The following ZNF638 variants were observed in gnomAD, a reference collection of about 807,000 sequenced individuals.
ZNF638 encodes the protein CTCL tumor antigen se33-1.
A neutral mutation model predicts 195.6 loss-of-function variants in ZNF638; 46 were observed. The observed-to-expected ratio is 0.24, with a 90% confidence interval of 0.19 to 0.30. The LOEUF (loss-of-function observed/expected upper bound fraction) is 0.30. ZNF638 is among the 10% of genes least tolerant of loss of function. The pLI is 1.00. For missense variants in ZNF638, 2,440 were observed against 2,325.3 expected (o/e 1.05, Z -1.01); for synonymous variants, 845 against 772.0 (o/e 1.09, Z -1.57).
intron 17 of ZNF638, among the ~76,000 whole-genome samples, chr2:71,404,726 C>G (rs573655239): frequency 6.6e-6 from 1 of 152,260 alleles, no homozygotes; most frequent in East Asian, 1.9e-4. Context: ...CTAAAACAAA[C>G]AGACCTCCTC....
rs76020472 is a variant in ZNF638, at chr2:71,339,168, T to G, written c.-203+7293T>G. 6.0e-3 allele frequency among the ~76,000 whole-genome samples: 751 copies of G among 124,582 alleles called. 5 individuals carry two copies. The highest frequency in any genetic ancestry group is 0.019 in the African/African-American group (702 of 37,350). The allele number at this position is 124,582 out of a possible 152,430, so 81.7% of individuals were successfully genotyped here. A position where few individuals can be genotyped will look rare whatever the true frequency, so the allele number is the denominator to read the frequency against. On this transcript the variant is annotated intron_variant, in intron 1 of 27. Transcript: ENST00000264447. ...GGTTTAGGTTTTTTTTTTTTTTTTT[T>G]ATTGAGACGGAGTCTCACTTGCACC...
intron 15 of ZNF638, 41 bp from the exon 16 acceptor site, chr2:71,401,915 A>G (rs2080014855): frequency 6.7e-7 from 1 of 1,500,360 alleles, no homozygotes; most frequent in African/African-American, 1.4e-5. Flanking sequence ...AATATGAAAC[A>G]AAGAAATTTT....
chr2:71,424,095 T>C, intron 22 of ZNF638, 57 bp downstream of exon 22: 1 of 1,552,552 alleles, frequency 6.4e-7, no homozygotes, highest in Admixed American at 1.9e-5. Context: ...GCTCCGCTGC[T>C]GTAGCTATGT....
chr2:71,399,787 T>C lies in ZNF638; in HGVS notation c.2587+142T>C, dbSNP rs775061458. 270 of 694,034 alleles carry C rather than the reference T, an allele frequency of 3.9e-4. 1 individual carries two copies. The highest frequency in any genetic ancestry group is 6.2e-4 in the Non-Finnish European group (254 of 412,396). 43.0% of individuals were successfully genotyped at this position (694,034 alleles called of 1,614,324 possible). A position where few individuals can be genotyped will look rare whatever the true frequency, so the allele number is the denominator to read the frequency against. ...TGTACAGGTTATTTCATCACCCAGA[T>C]ATTAAGCCTAGGACCCATTAGTTAT... On this transcript the variant is annotated intron_variant, in intron 13 of 27. Transcript: ENST00000264447.
intron 21 of ZNF638, among the ~76,000 whole-genome samples, chr2:71,420,112 G>C (rs12999085): frequency 1.3e-5 from 2 of 150,050 alleles, no homozygotes; most frequent in Non-Finnish European, 3.0e-5. Flanking sequence ...TTTTTTTTTA[G>C]AGACAGGGTC....
intron 8 of ZNF638, chr2:71,375,133 A>G (rs947789803): frequency 2.0e-5 from 3 of 152,164 alleles, no homozygotes; most frequent in Non-Finnish European, 4.4e-5. Flanking sequence ...CTATCATCCT[A>G]GTTTATACCT....
chr2:71,391,084 A>G (rs190168248), intron 10 of ZNF638, among the ~76,000 whole-genome samples: 1 of 152,172 alleles, frequency 6.6e-6, no homozygotes, highest in African/African-American at 2.4e-5. Context: ...TCAGCAATTA[A>G]AAGCCAGCCA....
At position 71,418,420 on chromosome 2, in the gene ZNF638, G is replaced by A. The variant is rs560412597; in HGVS notation, c.3262-182G>A. ...TTATTGTGTGTGACCTAATTTGGAG[G>A]TCTTTAATTAGAAAAAAATTCTAGA... is the stretch of plus-strand genomic sequence containing the variant. On this transcript the variant is annotated intron_variant, in intron 20 of 27. Coordinates refer to ENST00000264447, the MANE Select transcript of ZNF638 (RefSeq NM_014497.5). The A allele has an allele frequency of 7.8e-4, 311 of 396,430 alleles. 2 individuals are homozygous for A. The highest frequency in any genetic ancestry group is 1.5e-3 in the Admixed American group (33 of 22,514). 24.6% of individuals were successfully genotyped at this position (396,430 alleles called of 1,614,324 possible). A position where few individuals can be genotyped will look rare whatever the true frequency, so the allele number is the denominator to read the frequency against.
chr2:71,340,334 G>A (rs2078742909), intron 1 of ZNF638, among the ~76,000 whole-genome samples: 1 of 152,186 alleles, frequency 6.6e-6, no homozygotes, highest in Non-Finnish European at 1.5e-5. Context: ...CATGCCTTTT[G>A]TGAGACAAGA....
In ZNF638 at chr2:71,349,582, G is replaced by C; in HGVS notation, c.628G>C (p.Asp210His). The C allele has an allele frequency of 6.2e-7, 1 of 1,614,118 alleles. No individual in the cohort carries two copies. The highest frequency in any genetic ancestry group is 8.5e-7 in the Non-Finnish European group (1 of 1,180,020). The stretch of plus-strand genomic sequence containing the variant: ...TGAAGCAGTTTCAAGTAATGTGATC[G>C]ATTATGGGCATGCAAGCAAATATGG... ...GSEAVSSNVI[D>H]YGHASKYGYT... The change falls in exon 2 of 28, where the codon GAT (aspartate) becomes CAT (histidine). Residue 210 changes from aspartate to histidine, a missense_variant. This residue lies in a region of ZNF638 where 305 missense variants were observed against 283.6 expected (regional missense o/e 1.08). Coordinates refer to ENST00000264447, the MANE Select transcript of ZNF638 (RefSeq NM_014497.5).
chr2:71,434,434 G>A (rs898724060), intron 27 of ZNF638, among the ~76,000 whole-genome samples: 27 of 152,032 alleles, frequency 1.8e-4, no homozygotes, highest in Admixed American at 1.6e-3. Context: ...GCTTACCACC[G>A]CCCCCAAAGT....
intron 20 of ZNF638, among the ~76,000 whole-genome samples, chr2:71,410,402 G>C (rs2080190367): frequency 6.6e-6 from 1 of 150,766 alleles, no homozygotes; most frequent in African/African-American, 2.4e-5. Flanking sequence ...GTGTAGATGG[G>C]GTCTCATTGT....
chr2:71,362,935 T>C (rs1159689304), intron 3 of ZNF638, among the ~76,000 whole-genome samples: 1 of 152,250 alleles, frequency 6.6e-6, no homozygotes, highest in African/African-American at 2.4e-5. Context: ...CTGGCCGGTT[T>C]ACTTAAATGA....
intron 25 of ZNF638, 51 bp downstream of exon 25, chr2:71,428,702 T>C (rs965663407): frequency 3.4e-6 from 5 of 1,468,852 alleles, no homozygotes; most frequent in Non-Finnish European, 4.7e-6. Flanking sequence ...CACAGGAGAG[T>C]AGTTGAAGTT....
chr2:71,358,073 A>G (rs564819768), intron 3 of ZNF638, among the ~76,000 whole-genome samples: 12 of 152,220 alleles, frequency 7.9e-5, no homozygotes, highest in African/African-American at 2.4e-4. Flanking sequence ...CCTAGTTTCT[A>G]GTGACTGGGG....
chr2:71,401,854 T>C, intron 15 of ZNF638, 102 bp from the exon 16 acceptor site: 1 of 1,053,168 alleles, frequency 9.5e-7, no homozygotes, highest in Non-Finnish European at 1.3e-6. Flanking sequence ...TCCTCAGTAT[T>C]AAATGCAACA....
chr2:71,343,866 C>G (rs982675240), intron 1 of ZNF638, among the ~76,000 whole-genome samples: 8 of 47,546 alleles, frequency 1.7e-4, no homozygotes, highest in African/African-American at 3.2e-4. Context: ...CGCGGTGGCT[C>G]ATGCCTGTAA....
intron 1 of ZNF638, among the ~76,000 whole-genome samples, chr2:71,335,526 T>A (rs990890538): frequency 3.3e-5 from 5 of 152,254 alleles, no homozygotes; most frequent in African/African-American, 4.8e-5. Context: ...AACTTTTGTT[T>A]TAAATATTTT....
At chr2:71,333,036 T>C (rs559064334) in intron 1 of ZNF638, 22 of 152,142 alleles carry the variant, frequency 1.4e-4, no homozygotes, top group Non-Finnish European at 2.8e-4. Context: ...AGATTTACAA[T>C]TAAAAATTGA....
Sources: gnomAD v4.1 joint callset for allele counts (sites outside exome capture counted in the v4.1 genomes callset) on GRCh38, gnomAD v4.1.1 for gene constraint, gnomAD v4.1.1 regional missense constraint, MANE v1.5 for transcripts, NCBI Gene and HGNC (gene_info 2026-07-23, HGNC 2026-07-21) for gene names.